The following NFKBIZ variants were observed in gnomAD, a reference collection of about 807,000 sequenced individuals.
NFKBIZ encodes NFKB inhibitor zeta.
In NFKBIZ, 19 loss-of-function variants were observed where a neutral mutation model predicts 76.8. The observed-to-expected ratio is 0.25, with a 90% CI of 0.17 to 0.36. NFKBIZ has a LOEUF of 0.36. NFKBIZ is among the 10% of genes least tolerant of loss of function. The probability of loss-of-function intolerance (pLI) is 1.00; values close to 1 mark genes in which losing one functional copy is unlikely to be tolerated. For missense variants in NFKBIZ, 829 were observed against 910.9 expected, an observed-to-expected ratio of 0.91 and a Z score of 1.16; for synonymous variants, 368 against 354.8, an observed-to-expected ratio of 1.04 and a Z score of -0.42.
Position 101,853,111 on chromosome 3 carries a change from G to A in NFKBIZ, c.585G>A (p.Thr195=), listed in dbSNP as rs776810825. ...TCCAGACACCACCTCAAACACCAAC[G>A]CCCGGGGAGAGCATGGAAGATGTTC... is the stretch of plus-strand genomic sequence containing the variant. The part of the protein sequence containing the change: ...SQFLTPPQTP[T]PGESMEDVHL... Residue 195 remains threonine (T), a synonymous_variant, in exon 5 of 12, where the codon ACG becomes ACA. Coordinates refer to ENST00000326172, the MANE Select transcript of NFKBIZ (RefSeq NM_031419.4). 1.2e-5 allele frequency: 20 copies of A among 1,613,572 alleles called. No individual in the cohort carries two copies. Among genetic ancestry groups the A allele is most frequent in the South Asian group, 2.2e-5 (2 of 91,072 alleles).
chr3:101,845,084 C>T (rs950877312), upstream of NFKBIZ, among the ~76,000 whole-genome samples: 16 of 151,774 alleles, frequency 1.1e-4, no homozygotes, highest in African/African-American at 3.1e-4. Context: ...CTGGCTGACA[C>T]GGTGAAACCC....
In NFKBIZ at chr3:101,853,246, G is replaced by A. The variant is rs750925044; in HGVS notation, c.720G>A (p.Leu240=). 5.6e-6 allele frequency: 9 copies of A among 1,614,172 alleles called. No homozygotes were observed. Among genetic ancestry groups the A allele is most frequent in the Non-Finnish European group, 6.8e-6 (8 of 1,180,044 alleles). Residue 240 remains leucine, a synonymous_variant, in exon 5 of 12, where the codon CTG becomes CTA. Coordinates refer to ENST00000326172, the MANE Select transcript of NFKBIZ (RefSeq NM_031419.4). ...VSLNTVQVSW[L]NPVVVPQSSP... is the part of the protein sequence containing the mutation. ...TGAACACAGTTCAAGTTAGCTGGCTGAACCCCGTGGTGGTCCCTCAGAGCT... is the reference window on the plus strand; with the variant it reads ...TGAACACAGTTCAAGTTAGCTGGCTAAACCCCGTGGTGGTCCCTCAGAGCT...
chr3:101,852,767 A>T lies in NFKBIZ; in HGVS notation c.459A>T (p.Arg153Ser). The T allele has an allele frequency of 6.2e-7, 1 of 1,611,402 alleles. No homozygotes were observed. ...AAGGTGTGAACATAGAACAGTTCAG[A>T]GGTAAGAGTTACTTGTATTTGTAAT... The part of the protein sequence containing the change: ...KTQGVNIEQF[R>S]ELKNTVSYSG... The change falls in exon 3 of 12, where the codon AGA becomes AGT. Residue 153 changes from arginine (R) to serine (S), a missense_variant and splice_region_variant. Transcript: ENST00000326172.
At chr3:101,852,426 A>G (rs1942978481) in intron 2 of NFKBIZ, among the ~76,000 whole-genome samples, 1 of 152,236 alleles carries the variant, frequency 6.6e-6, no homozygotes, top group African/African-American at 2.4e-5. Flanking sequence ...TAGGTGGGCA[A>G]GAGAAACTCA....
chr3:101,830,576 T>C (rs1308101803), intron 2 of NFKBIZ, among the ~76,000 whole-genome samples: 1 of 152,348 alleles, frequency 6.6e-6, no homozygotes, highest in East Asian at 1.9e-4. Context: ...ACATGTGGTA[T>C]TTGGTTTTCT....
Position 101,849,687 on chromosome 3 carries a change from CG to C in NFKBIZ, c.62del (p.Gly21AlafsTer6). On this transcript the variant is annotated frameshift_variant, in exon 1 of 12. Coordinates refer to ENST00000326172, the MANE Select transcript of NFKBIZ (RefSeq NM_031419.4). LOFTEE classifies it high-confidence loss of function. Reference sequence around the variant, plus strand: ...GGCGGAGAGGGGCTGCGGGACGCGGCGGGCGGCTGCGGCCTCATGACCAGCC... The same window carrying C: ...GGCGGAGAGGGGCTGCGGGACGCGGCGGCGGCTGCGGCCTCATGACCAGCC... ...SRGGEGLRDA[A>X]GGCGLMTSPL... 7.2e-7 allele frequency: 1 copy of C among 1,388,566 alleles called. No homozygotes were observed. The highest frequency in any genetic ancestry group is 1.6e-5 in the South Asian group (1 of 61,650). The allele number at this position is 1,388,566 out of a possible 1,614,324, so 86.0% of individuals were successfully genotyped here.
At position 101,840,036 on chromosome 3, in the gene NFKBIZ, T is replaced by C. The variant is rs145836294; in HGVS notation, c.-12+10348T>C. ...AAGGAGGGAGAAAGGGGAGTTGGGA[T>C]TAGAAGATACTTTTTGGTCCTTCAC... On this transcript the variant is annotated intron_variant, in intron 2 of 12. Transcript: ENST00000394054. Among the ~76,000 whole-genome samples the C allele has an allele frequency of 3.5e-3, 534 of 152,276 alleles. 3 individuals are homozygous for C. Among genetic ancestry groups the C allele is most frequent in the African/African-American group, 0.012 (497 of 41,550 alleles).
intron 9 of NFKBIZ, chr3:101,856,542 T>G (rs1380964601): frequency 6.6e-6 from 1 of 152,382 alleles, no homozygotes; most frequent in Admixed American, 6.5e-5. Context: ...TTGTAAGGAT[T>G]TCTTCATTGT....
At chr3:101,847,093 C>T (rs566466880), upstream of NFKBIZ, among the ~76,000 whole-genome samples, 2 of 152,252 alleles carry the variant, frequency 1.3e-5, no homozygotes, top group Non-Finnish European at 2.9e-5. Flanking sequence ...AATGCCTGCC[C>T]GCATTGGCGA....
chr3:101,849,669 AG>A lies in NFKBIZ; in HGVS notation c.45del (p.Leu16CysfsTer11). On this transcript the variant is annotated frameshift_variant, in exon 1 of 12. Transcript: ENST00000326172. LOFTEE classifies it high-confidence loss of function. ...DKLLDDSRGG[E>X]GLRDAAGGCG... ...CTGCTGGACGACAGCCGCGGCGGAG[AG>A]GGGCTGCGGGACGCGGCGGGCGGCT... is the stretch of plus-strand genomic sequence containing the variant. 7.1e-7 allele frequency: 1 copy of A among 1,402,844 alleles called. No individual in the cohort carries two copies. The allele number at this position is 1,402,844 out of a possible 1,614,324, so 86.9% of individuals were successfully genotyped here.
In NFKBIZ at chr3:101,857,064, T is replaced by G. The variant is rs1412688742; in HGVS notation, c.1825-9T>G. ...TTTTTTTTTTTTCCTCCCTCTTGCCTTTGACAAGGATCGCAAAAGTGGCCG... is the reference window on the plus strand; with the variant it reads ...TTTTTTTTTTTTCCTCCCTCTTGCCGTTGACAAGGATCGCAAAAGTGGCCG... On this transcript the variant is annotated splice_polypyrimidine_tract_variant and intron_variant, in intron 9 of 11. Transcript: ENST00000326172. The G allele has an allele frequency of 2.5e-6, 4 of 1,589,504 alleles. No individual in the cohort carries two copies. Among genetic ancestry groups the G allele is most frequent in the Non-Finnish European group, 3.4e-6 (4 of 1,162,600 alleles).
rs1247886330 is a variant in NFKBIZ, at chr3:101,853,097, C to T, written c.571C>T (p.Pro191Ser). Residue 191 changes from proline (P) to serine (S), a missense_variant, in exon 5 of 12, where the codon CCT becomes TCT. Physicochemically the swap from Pro to Ser is moderately conservative, Grantham distance 74. Transcript: ENST00000326172. Reference sequence around the variant, plus strand: ...GCATTTTCCTTCTTTCCAGACACCACCTCAAACACCAACGCCCGGGGAGAG... The same window carrying T: ...GCATTTTCCTTCTTTCCAGACACCATCTCAAACACCAACGCCCGGGGAGAG... ...ALLHSQFLTP[P>S]QTPTPGESME... 1 of 1,613,128 alleles carries T rather than the reference C, an allele frequency of 6.2e-7. No individual in the cohort carries two copies. The highest frequency in any genetic ancestry group is 1.3e-5 in the African/African-American group (1 of 75,016).
chr3:101,847,764 A>T (rs1435059785), upstream of NFKBIZ, among the ~76,000 whole-genome samples: 2 of 152,226 alleles, frequency 1.3e-5, no homozygotes. Context: ...CTTAAACATC[A>T]TTTTGTGGGG....
At chr3:101,855,293 T>TG in intron 7 of NFKBIZ, 85 bp downstream of exon 7, 2 of 1,603,334 alleles carry the variant, frequency 1.2e-6, no homozygotes, top group Non-Finnish European at 1.7e-6. Context: ...GGTTGCCTGT[T>TG]GCAATGATCT....
At chr3:101,844,792 A>G (rs538234696), upstream of NFKBIZ, among the ~76,000 whole-genome samples, 2 of 152,344 alleles carry the variant, frequency 1.3e-5, no homozygotes, top group East Asian at 3.9e-4. Context: ...CTTTTCATCT[A>G]GAAAATATTC....
chr3:101,859,513 T>C lies in NFKBIZ; in HGVS notation c.*142T>C, dbSNP rs1943105410. On this transcript the variant is annotated 3_prime_UTR_variant, in exon 12 of 12. Transcript: ENST00000326172. ...ACATATTTAGTTCACTATTATATAGTGGGTTATATTAAAAGAAAAGAAGAA... is the reference window on the plus strand; with the variant it reads ...ACATATTTAGTTCACTATTATATAGCGGGTTATATTAAAAGAAAAGAAGAA... 5.9e-6 allele frequency: 3 copies of C among 510,938 alleles called. No individual in the cohort carries two copies. The highest frequency in any genetic ancestry group is 1.0e-5 in the Non-Finnish European group (3 of 286,068). 31.7% of individuals were successfully genotyped at this position (510,938 alleles called of 1,614,324 possible).
At chr3:101,857,687 G>A in intron 11 of NFKBIZ, 4 of 985,442 alleles carry the variant, frequency 4.1e-6, no homozygotes, top group Non-Finnish European at 4.8e-6. Flanking sequence ...TAGAGGTCAG[G>A]TAGTATTCTG....
At position 101,853,551 on chromosome 3, in the gene NFKBIZ, C is replaced by A. The variant is rs1000263983; in HGVS notation, c.1025C>A (p.Ser342Tyr). The A allele has an allele frequency of 1.2e-6, 2 of 1,614,122 alleles. No individual in the cohort carries two copies. Among genetic ancestry groups the A allele is most frequent in the South Asian group, 1.1e-5 (1 of 91,088 alleles). ...TTTTGCCCAAACCAAAGCTTAGTTT[C>A]CCTTCTTGGTGATCAAAGGGAATCT... ...SQFCPNQSLV[S>Y]LLGDQRESEN... Residue 342 changes from serine (S) to tyrosine (Y), a missense_variant, in exon 5 of 12, where the codon TCC becomes TAC. By Grantham distance (144) the Ser-to-Tyr change is moderately radical. Around this residue, in one of 4 missense-constraint regions of NFKBIZ, gnomAD observed 371 missense variants for 332.3 expected, o/e 1.12. Coordinates refer to ENST00000326172, the MANE Select transcript of NFKBIZ (RefSeq NM_031419.4).
chr3:101,849,351 C>A, upstream of NFKBIZ: 1 of 306,292 alleles, frequency 3.3e-6, no homozygotes, highest in Non-Finnish European at 6.0e-6. Context: ...GGGCGGAGGG[C>A]GGAGGGCGCA....
Sources: allele counts gnomAD v4.1 joint callset (sites outside exome capture counted in the v4.1 genomes callset), GRCh38; gene constraint gnomAD v4.1.1; regional missense constraint gnomAD v4.1.1; transcripts MANE v1.5; gene names NCBI Gene and HGNC (gene_info 2026-07-23, HGNC 2026-07-21).